SLC24A4: variants seen among roughly 807,000 people sequenced by gnomAD.
SLC24A4 encodes the protein solute carrier family 24 member 4.
A neutral mutation model predicts 79.0 loss-of-function variants in SLC24A4; 53 were observed. The ratio of observed to expected loss-of-function variants is 0.67; its 90% CI spans 0.54 to 0.84. SLC24A4 has a LOEUF of 0.84. Ranked by LOEUF, SLC24A4 falls within the 40% of genes least tolerant of loss-of-function variation. The probability of loss-of-function intolerance (pLI) is 0.00; values close to 1 mark genes in which losing one functional copy is unlikely to be tolerated. For missense variants in SLC24A4, 731 were observed against 822.0 expected (o/e 0.89, Z 1.35); for synonymous variants, 323 against 323.8 (o/e 1.00, Z 0.03).
chr14:92,362,569 G>A (rs563834773), intron 2 of SLC24A4, among the ~76,000 whole-genome samples: 32 of 152,358 alleles, frequency 2.1e-4, no homozygotes, highest in Non-Finnish European at 3.4e-4. Context: ...ATCCATAGAA[G>A]GGATTTGGAG....
chr14:92,401,612 G>A (rs1354172265), intron 2 of SLC24A4, among the ~76,000 whole-genome samples: 1 of 152,186 alleles, frequency 6.6e-6, no homozygotes, highest in Admixed American at 6.5e-5. Context: ...GAGAGAGGCA[G>A]TGTTGTGGAG....
intron 12 of SLC24A4, among the ~76,000 whole-genome samples, chr14:92,480,795 T>G (rs1895024227): frequency 1.3e-5 from 2 of 152,224 alleles, no homozygotes; most frequent in South Asian, 4.1e-4. Flanking sequence ...GTTTTCCTTC[T>G]GTTATTGGTT....
Position 92,449,124 on chromosome 14 carries a change from C to T in SLC24A4, c.788C>T (p.Ala263Val), listed in dbSNP as rs2139829527. Residue 263 changes from alanine to valine, a missense_variant, in exon 10 of 17, where the codon GCA becomes GTA. Coordinates refer to ENST00000532405, the MANE Select transcript of SLC24A4 (RefSeq NM_153646.4). The part of the protein sequence containing the change: ...AFFTVKQKSI[A>V]NGNPVNSELE... The stretch of plus-strand genomic sequence containing the variant: ...TTCACAGTCAAACAAAAGAGCATTG[C>T]AAACGGTAACCCGGTCAACAGTGAG... 1.2e-6 allele frequency: 2 copies of T among 1,614,196 alleles called. No homozygotes were observed. Among genetic ancestry groups the T allele is most frequent in the Admixed American group, 1.7e-5 (1 of 60,028 alleles).
rs1402148511 is a variant in SLC24A4, at chr14:92,500,061, G to GA, written c.*6434dup. The stretch of plus-strand genomic sequence containing the variant: ...TCACCGTGTTAGCCAGGATGGTCTT[G>GA]ATCTCCTGATCTCGTGATCCGCCCA... On this transcript the variant is annotated 3_prime_UTR_variant, in exon 17 of 17. Transcript: ENST00000532405. 1 of 150,390 alleles carries GA rather than the reference G, an allele frequency of 6.6e-6. No homozygotes were observed. Among genetic ancestry groups the GA allele is most frequent in the Non-Finnish European group, 1.5e-5 (1 of 67,668 alleles). The allele number at this position is 150,390 out of a possible 1,614,324, so 9.3% of individuals were successfully genotyped here. A position where few individuals can be genotyped will look rare whatever the true frequency, so the allele number is the denominator to read the frequency against.
intron 2 of SLC24A4, among the ~76,000 whole-genome samples, chr14:92,327,658 C>T (rs1490710178): frequency 5.9e-5 from 9 of 152,184 alleles, no homozygotes; most frequent in African/African-American, 4.8e-5. Flanking sequence ...TGACTTCTGT[C>T]GTACATAGCC....
chr14:92,449,288 AC>A, intron 10 of SLC24A4, 72 bp downstream of exon 10: 1 of 314,622 alleles, frequency 3.2e-6, no homozygotes, highest in Non-Finnish European at 4.7e-6. Flanking sequence ...GTGTACACAC[AC>A]ACACACACAC....
At chr14:92,484,298 C>G (rs1895239269) in intron 13 of SLC24A4, 1 of 985,412 alleles carries the variant, frequency 1.0e-6, no homozygotes, top group African/African-American at 1.7e-5. Flanking sequence ...TCAGGCTGAT[C>G]AGAGACCTGC....
At chr14:92,454,932 C>G (rs1893371239) in intron 11 of SLC24A4, among the ~76,000 whole-genome samples, 1 of 152,112 alleles carries the variant, frequency 6.6e-6, no homozygotes, top group Non-Finnish European at 1.5e-5. Context: ...ATTAATTGTA[C>G]CCACTGGGTG....
intron 13 of SLC24A4, chr14:92,484,054 A>G (rs1272508576): frequency 2.0e-6 from 2 of 985,200 alleles, no homozygotes; most frequent in South Asian, 9.4e-5. Context: ...GACTCCCTCT[A>G]TGAAGTGGGG....
chr14:92,481,680 G>A (rs1347926304), intron 12 of SLC24A4, among the ~76,000 whole-genome samples: 1 of 152,192 alleles, frequency 6.6e-6, no homozygotes, highest in Non-Finnish European at 1.5e-5. Context: ...AGAGTTCACT[G>A]TTCTTACTAA....
rs1896127647 is a variant in SLC24A4, at chr14:92,500,714, G to A, written c.*7086G>A. The A allele has an allele frequency of 6.6e-6, 1 of 152,368 alleles. No homozygotes were observed. Among genetic ancestry groups the A allele is most frequent in the Admixed American group, 6.5e-5 (1 of 15,282 alleles). 9.4% of individuals were successfully genotyped at this position (152,368 alleles called of 1,614,324 possible). ...AACTCTTGGGGAGCTCCACAGTGGG[G>A]GTTGCTGGTCTGTGAGGCTGAGTCT... On this transcript the variant is annotated 3_prime_UTR_variant, in exon 17 of 17. Coordinates refer to ENST00000532405, the MANE Select transcript of SLC24A4 (RefSeq NM_153646.4).
intron 2 of SLC24A4, among the ~76,000 whole-genome samples, chr14:92,410,191 A>T (rs1418329840): frequency 6.6e-6 from 1 of 152,106 alleles, no homozygotes. Flanking sequence ...ATAAATGTTT[A>T]AAAAAAGAGA....
chr14:92,365,200 T>C (rs1887760093), intron 2 of SLC24A4, among the ~76,000 whole-genome samples: 1 of 152,272 alleles, frequency 6.6e-6, no homozygotes, highest in South Asian at 2.1e-4. Context: ...TGTGCCGTCG[T>C]TGGCTTATAT....
In SLC24A4 at chr14:92,481,207, G is replaced by A. The variant is rs117186059; in HGVS notation, c.1256-1473G>A. 1.1e-3 allele frequency among the ~76,000 whole-genome samples: 160 copies of A among 152,274 alleles called. No homozygotes were observed. In the East Asian group the frequency reaches 0.03, roughly 28 times the overall value. On this transcript the variant is annotated intron_variant, in intron 12 of 16. Transcript: ENST00000532405. ...TTTCCTGAGCATGTGTAGAACCCTG[G>A]GCACAGCCCTGTGCATGCTCATGGT...
intron 2 of SLC24A4, among the ~76,000 whole-genome samples, chr14:92,402,304 T>G (rs1049478269): frequency 1.3e-5 from 2 of 152,148 alleles, no homozygotes; most frequent in African/African-American, 4.8e-5. Context: ...ATTGTGATTG[T>G]CCTGAAATAC....
chr14:92,481,198 A>C (rs1354110445), intron 12 of SLC24A4, among the ~76,000 whole-genome samples: 3 of 152,230 alleles, frequency 2.0e-5, no homozygotes, highest in African/African-American at 7.2e-5. Context: ...GAGCATGTGT[A>C]GAACCCTGGG....
At chr14:92,484,042 G>C (rs1343603499) in intron 13 of SLC24A4, 14 of 985,244 alleles carry the variant, frequency 1.4e-5, no homozygotes, top group African/African-American at 1.7e-5. Context: ...ACAGAAGCTG[G>C]TGACTCCCTC....
chr14:92,484,611 C>A (rs1329037411), intron 13 of SLC24A4: 3 of 985,298 alleles, frequency 3.0e-6, no homozygotes, highest in Admixed American at 6.2e-5. Context: ...GCCTCCAGGA[C>A]CCCAGCATCT....
In SLC24A4 at chr14:92,389,990, A is replaced by G. The variant is rs549403596; in HGVS notation, c.242-43922A>G. 1.1e-4 allele frequency among the ~76,000 whole-genome samples: 17 copies of G among 152,194 alleles called. No individual in the cohort carries two copies. In the Middle Eastern group the frequency reaches 0.01, roughly 91 times the overall value. On this transcript the variant is annotated intron_variant, in intron 2 of 16. Transcript: ENST00000532405. ...GCCTCTTCTGCTCAGTTCTGATGCC[A>G]GCCGGTCCCTCTGCAGGACAGCAGT... is the stretch of plus-strand genomic sequence containing the variant.
Sources: gnomAD v4.1 joint callset for allele counts (sites outside exome capture counted in the v4.1 genomes callset) on GRCh38, gnomAD v4.1.1 for gene constraint, MANE v1.5 for transcripts, NCBI Gene and HGNC (gene_info 2026-07-23, HGNC 2026-07-21) for gene names.